The following STYK1 variants were observed in gnomAD, a reference collection of about 807,000 sequenced individuals.
The protein encoded by STYK1 is tyrosine-protein kinase STYK1.
In STYK1, 46 loss-of-function variants were observed where a neutral mutation model predicts 48.1. That is an observed-to-expected ratio of 0.96 (90% CI 0.75 to 1.22). The LOEUF (loss-of-function observed/expected upper bound fraction) is 1.22. Ranked by LOEUF, STYK1 falls within the 50% of genes most tolerant of loss-of-function variation. The pLI is 0.00. For synonymous variants in STYK1, 188 were observed against 189.0 expected, an observed-to-expected ratio of 0.99 and a Z score of 0.04; for missense variants, 527 against 521.1, an observed-to-expected ratio of 1.01 and a Z score of -0.11.
chr12:10,640,934 C>A (rs937879729), intron 1 of STYK1, among the ~76,000 whole-genome samples: 1 of 152,160 alleles, frequency 6.6e-6, no homozygotes, highest in African/African-American at 2.4e-5. Flanking sequence ...ATTTTATTTC[C>A]TTTGAGGTAT....
chr12:10,662,646 C>T (rs553451574), intron 1 of STYK1, among the ~76,000 whole-genome samples: 1 of 152,168 alleles, frequency 6.6e-6, no homozygotes, highest in Admixed American at 6.5e-5. Context: ...GCTCATTGGC[C>T]ACTTGTATAT....
intron 1 of STYK1, among the ~76,000 whole-genome samples, chr12:10,640,449 T>C (rs945280784): frequency 2.0e-5 from 3 of 152,052 alleles, no homozygotes; most frequent in Non-Finnish European, 2.9e-5. Context: ...AGGGAGGAGG[T>C]TATCTAAGAG....
intron 7 of STYK1, among the ~76,000 whole-genome samples, chr12:10,626,279 T>C (rs559598705): frequency 6.6e-6 from 1 of 152,290 alleles, no homozygotes; most frequent in South Asian, 2.1e-4. Flanking sequence ...TTTGACCAAT[T>C]CATCCCTGGA....
chr12:10,626,184 T>G (rs1035286195), intron 7 of STYK1, among the ~76,000 whole-genome samples: 1 of 152,206 alleles, frequency 6.6e-6, no homozygotes, highest in Non-Finnish European at 1.5e-5. Flanking sequence ...AGAATGTAAC[T>G]GACTTTGAGC....
intron 1 of STYK1, among the ~76,000 whole-genome samples, chr12:10,638,634 C>T (rs564447673): frequency 3.9e-5 from 6 of 152,218 alleles, no homozygotes; most frequent in Non-Finnish European, 8.8e-5. Context: ...TAACACAACT[C>T]TTAATAAGTG....
chr12:10,627,500 G>A, intron 7 of STYK1, 141 bp downstream of exon 7: 2 of 649,918 alleles, frequency 3.1e-6, no homozygotes, highest in South Asian at 2.3e-5. Context: ...ATCCATGCTT[G>A]AGTTTCTGCC....
chr12:10,631,045 C>A lies in STYK1; in HGVS notation c.451G>T (p.Glu151Ter). The change falls in exon 5 of 11, where the codon GAA becomes TAA. Residue 151 changes from glutamate to a stop codon, truncating the protein, a stop_gained and splice_region_variant. Coordinates refer to ENST00000075503, the MANE Select transcript of STYK1 (RefSeq NM_018423.3). LOFTEE classifies it high-confidence loss of function. Reference protein sequence around the residue: ...PKSVILKALKEPAGLHEVQDF... With the variant: ...PKSVILKALK ...GGGAGTCAAACACTTCTTGTTTTAC[C>A]TTTTAAAGCCTTGAGAATAACACTC... is the stretch of plus-strand genomic sequence containing the variant. 1.9e-6 allele frequency: 3 copies of A among 1,612,622 alleles called. No homozygotes were observed. Among genetic ancestry groups the A allele is most frequent in the Non-Finnish European group, 2.5e-6 (3 of 1,179,114 alleles).
chr12:10,636,012 T>C (rs189122644), intron 2 of STYK1, among the ~76,000 whole-genome samples: 1 of 152,210 alleles, frequency 6.6e-6, no homozygotes, highest in Non-Finnish European at 1.5e-5. Flanking sequence ...TGTAGTGACT[T>C]GATAAAAACA....
At chr12:10,655,464 T>TACAC (rs2120761870) in intron 1 of STYK1, among the ~76,000 whole-genome samples, 2 of 152,384 alleles carry the variant, frequency 1.3e-5, no homozygotes, top group South Asian at 4.1e-4. Context: ...GCTTAGTAGC[T>TACAC]AAGGCTTTGC....
chr12:10,629,440 C>G lies in STYK1; in HGVS notation c.633+53G>C, dbSNP rs771772635. The G allele has an allele frequency of 3.8e-6, 6 of 1,580,514 alleles. No homozygotes were observed. In the South Asian group the frequency reaches 5.6e-5, roughly 15 times the overall value. On this transcript the variant is annotated intron_variant, in intron 6 of 10. Coordinates refer to ENST00000075503, the MANE Select transcript of STYK1 (RefSeq NM_018423.3). Reference sequence around the variant, plus strand: ...GTCACACTAACTGACATGTAAAAAGCTAGTCAACAAGGTCAAGCCTTAACC... The same window carrying G: ...GTCACACTAACTGACATGTAAAAAGGTAGTCAACAAGGTCAAGCCTTAACC...
intron 1 of STYK1, among the ~76,000 whole-genome samples, chr12:10,658,106 G>C (rs61912182): frequency 0.33 from 50,030 of 152,028 alleles, 9,229 homozygotes; most frequent in Non-Finnish European, 0.43. Flanking sequence ...AAAGTTAAAG[G>C]GGTCTTATTC....
chr12:10,644,924 G>C (rs1304663854), intron 1 of STYK1, among the ~76,000 whole-genome samples: 1 of 151,984 alleles, frequency 6.6e-6, no homozygotes, highest in Non-Finnish European at 1.5e-5. Context: ...GTGAATAAGA[G>C]AGAAAGAGGA....
chr12:10,620,450 T>A, intron 10 of STYK1, 102 bp from the exon 11 acceptor site: 1 of 1,067,208 alleles, frequency 9.4e-7, no homozygotes, highest in Non-Finnish European at 1.4e-6. Context: ...TGCAATTCTT[T>A]AATTGTCTTC....
intron 10 of STYK1, among the ~76,000 whole-genome samples, chr12:10,621,031 C>T (rs908497384): frequency 6.6e-6 from 1 of 152,150 alleles, no homozygotes; most frequent in African/African-American, 2.4e-5. Flanking sequence ...AATTAAGATA[C>T]TTAAATTTAA....
chr12:10,634,886 C>G (rs1244230235), intron 2 of STYK1, among the ~76,000 whole-genome samples, 200 bp from the exon 3 acceptor site: 2 of 152,120 alleles, frequency 1.3e-5, no homozygotes, highest in African/African-American at 4.8e-5. Flanking sequence ...CAGCGTTTCT[C>G]TTTTCTCTAT....
chr12:10,651,437 A>G (rs1947661705), intron 1 of STYK1, among the ~76,000 whole-genome samples: 1 of 152,170 alleles, frequency 6.6e-6, no homozygotes, highest in African/African-American at 2.4e-5. Context: ...CCTAATGCTC[A>G]GTTTTCTCAT....
chr12:10,662,663 T>G (rs1215215842), intron 1 of STYK1, among the ~76,000 whole-genome samples: 1 of 152,240 alleles, frequency 6.6e-6, no homozygotes, highest in Admixed American at 6.5e-5. Flanking sequence ...ATATCTTCTT[T>G]GAAGAAATGT....
At chr12:10,638,496 A>T (rs978243897) in intron 1 of STYK1, among the ~76,000 whole-genome samples, 2 of 152,228 alleles carry the variant, frequency 1.3e-5, no homozygotes, top group African/African-American at 4.8e-5. Context: ...AAGCTCATGA[A>T]TATAACTATA....
At chr12:10,651,475 A>G (rs1377347705) in intron 1 of STYK1, among the ~76,000 whole-genome samples, 3 of 152,190 alleles carry the variant, frequency 2.0e-5, no homozygotes, top group Non-Finnish European at 4.4e-5. Flanking sequence ...AATATTATCT[A>G]ACACAAAGAG....
Sources: allele counts gnomAD v4.1 joint callset (sites outside exome capture counted in the v4.1 genomes callset), GRCh38; gene constraint gnomAD v4.1.1; transcripts MANE v1.5; gene names NCBI Gene and HGNC (gene_info 2026-07-23, HGNC 2026-07-21).